The following GARIN1B variants were observed in gnomAD, a reference collection of about 807,000 sequenced individuals.
GARIN1B encodes the protein Golgi-associated RAB2 interactor protein 1B.
chr7:128,713,545 G>A, the GARIN1B span, among the ~76,000 whole-genome samples: 1 of 152,146 alleles, frequency 6.6e-6, no homozygotes, highest in Non-Finnish European at 1.5e-5. Flanking sequence ...TCCTGTCCTA[G>A]AGTGATCCTC....
At chr7:128,712,210 T>G in the GARIN1B span, among the ~76,000 whole-genome samples, 10,969 of 152,290 alleles carry the variant, frequency 0.072, 821 homozygotes, top group East Asian at 0.25. Context: ...CTAATTCATA[T>G]GGGCCTTATG....
At chr7:128,709,750 C>CTGTCTTTTT in the GARIN1B span, among the ~76,000 whole-genome samples, 25 of 114,660 alleles carry the variant, frequency 2.2e-4, 4 homozygotes, top group African/African-American at 3.5e-4. Flanking sequence ...CTCTCTCTCT[C>CTGTCTTTTT]TTTTTTTTTT....
At chr7:128,730,401 TCTTA>T in the GARIN1B span, among the ~76,000 whole-genome samples, 1 of 151,990 alleles carries the variant, frequency 6.6e-6, no homozygotes, top group African/African-American at 2.4e-5. Flanking sequence ...TGAAGGGCCT[TCTTA>T]CTGCTTGGGT....
At chr7:128,721,415 A>G in the GARIN1B span, among the ~76,000 whole-genome samples, 1 of 152,170 alleles carries the variant, frequency 6.6e-6, no homozygotes, top group Non-Finnish European at 1.5e-5. Flanking sequence ...TGGGTCATTC[A>G]TTGATAGTAT....
the GARIN1B span, chr7:128,715,214 G>C: frequency 1.0e-6 from 1 of 984,310 alleles, no homozygotes; most frequent in Non-Finnish European, 1.2e-6. Flanking sequence ...GTTCCGAAAA[G>C]GGCTGGGGAA....
At chr7:128,726,778 C>A in the GARIN1B span, 5 of 1,602,908 alleles carry the variant, frequency 3.1e-6, no homozygotes, top group South Asian at 2.2e-5. Context: ...ATTTAATGTT[C>A]TTTTCCTTTA....
the GARIN1B span, chr7:128,731,443 A>G: frequency 2.3e-6 from 1 of 427,048 alleles, no homozygotes. Flanking sequence ...GTGATGAGAA[A>G]GGTGGTGGGA....
chr7:128,711,278 G>C, the GARIN1B span, among the ~76,000 whole-genome samples: 298 of 151,882 alleles, frequency 2.0e-3, no homozygotes, highest in Non-Finnish European at 3.6e-3. Context: ...CCTTTAGATA[G>C]AGCTTCTATT....
At chr7:128,714,986 G>A in the GARIN1B span, among the ~76,000 whole-genome samples, 38 of 152,186 alleles carry the variant, frequency 2.5e-4, 1 homozygote, top group African/African-American at 8.9e-4. Context: ...GGGTGTCGGG[G>A]GCCCACATGC....
chr7:128,730,327 G>A, the GARIN1B span, among the ~76,000 whole-genome samples: 1 of 152,170 alleles, frequency 6.6e-6, no homozygotes, highest in South Asian at 2.1e-4. Flanking sequence ...TATGGGAGGT[G>A]TAAGGGATCT....
the GARIN1B span, among the ~76,000 whole-genome samples, chr7:128,712,121 A>G: frequency 3.3e-5 from 5 of 152,242 alleles, no homozygotes; most frequent in African/African-American, 1.2e-4. Context: ...ATGCAATAAT[A>G]AAGTGTTTTA....
At chr7:128,717,135 C>T in the GARIN1B span, 1 of 798,036 alleles carries the variant, frequency 1.3e-6, no homozygotes, top group Non-Finnish European at 1.9e-6. Context: ...AACAGAGTAT[C>T]CTAAGACAGG....
chr7:128,713,858 A>T, the GARIN1B span: 1 of 765,810 alleles, frequency 1.3e-6, no homozygotes, highest in Non-Finnish European at 2.1e-6. Context: ...TTAAGCTTTA[A>T]CTGTGAACAG....
At chr7:128,718,869 A>T in the GARIN1B span, 10 of 1,614,152 alleles carry the variant, frequency 6.2e-6, no homozygotes, top group Non-Finnish European at 8.5e-6. Context: ...CAGGTATGTG[A>T]CCACTATCAA....
chr7:128,727,838 C>T, the GARIN1B span, among the ~76,000 whole-genome samples: 73,993 of 151,924 alleles, frequency 0.49, 18,674 homozygotes, highest in African/African-American at 0.62. Flanking sequence ...AATCCTTCCT[C>T]GGTCATAACC....
the GARIN1B span, among the ~76,000 whole-genome samples, chr7:128,723,622 G>T: frequency 0.21 from 30,783 of 145,680 alleles, 3,504 homozygotes; most frequent in East Asian, 0.42. Context: ...CGATTCTCCC[G>T]CCTCAGCCTC....
chr7:128,719,079 C>A, the GARIN1B span: 1 of 1,612,648 alleles, frequency 6.2e-7, no homozygotes, highest in Non-Finnish European at 8.5e-7. Context: ...TCAGGAGATT[C>A]GAAGGTAAGT....
the GARIN1B span, chr7:128,724,651 C>A: frequency 8.8e-7 from 1 of 1,136,656 alleles, no homozygotes; most frequent in Non-Finnish European, 1.1e-6. Flanking sequence ...AAAGTGGGAT[C>A]CAGGGTCCTA....
chr7:128,714,345 G>T, the GARIN1B span, among the ~76,000 whole-genome samples: 1 of 152,146 alleles, frequency 6.6e-6, no homozygotes, highest in Non-Finnish European at 1.5e-5. Context: ...GGGAGGTCGA[G>T]GTGGGCGGAT....
Sources: allele counts gnomAD v4.1 joint callset (sites outside exome capture counted in the v4.1 genomes callset), GRCh38; gene constraint gnomAD v4.1.1; transcripts MANE v1.5; gene names NCBI Gene and HGNC (gene_info 2026-07-23, HGNC 2026-07-21).